Variants in NPSR1 observed in about 807,000 individuals in gnomAD.
The protein encoded by NPSR1 is neuropeptide S receptor.
Under a neutral mutation model 46.9 loss-of-function variants are expected in NPSR1, and 48 were observed. The ratio of observed to expected loss-of-function variants is 1.02; its 90% CI spans 0.81 to 1.30. NPSR1 has a LOEUF of 1.30. Ranked by LOEUF, NPSR1 falls within the 50% of genes most tolerant of loss-of-function variation. The pLI, the probability that NPSR1 is intolerant of heterozygous loss-of-function variation, is 0.00. For synonymous variants in NPSR1, 176 were observed against 168.1 expected (o/e 1.05, Z -0.36); for missense variants, 450 against 449.5 (o/e 1.00, Z -0.01).
intron 8 of NPSR1, among the ~76,000 whole-genome samples, chr7:34,857,945 G>A (rs577714963): frequency 2.0e-5 from 3 of 151,650 alleles, no homozygotes; most frequent in Non-Finnish European, 4.4e-5. Context: ...CTATGAAAAG[G>A]TGTTTAATCT....
In NPSR1 at chr7:34,695,340, T is replaced by A. The variant is rs765509829; in HGVS notation, c.280+10656T>A. Among the ~76,000 whole-genome samples, 6 of 151,778 alleles carry A rather than the reference T, an allele frequency of 4.0e-5. No homozygotes were observed. The South Asian group carries it at 8.3e-4, about 21-fold the overall frequency. On this transcript the variant is annotated intron_variant, in intron 2 of 8. Coordinates refer to ENST00000360581, the MANE Select transcript of NPSR1 (RefSeq NM_207172.2). ...ATAGATCAAAGACTTAAATGTAAGA[T>A]CTGAAACTAAAAATCTTAGGGAAAA...
intron 2 of NPSR1, among the ~76,000 whole-genome samples, chr7:34,743,221 T>C (rs2392277): frequency 0.55 from 83,575 of 151,954 alleles, 23,349 homozygotes; most frequent in African/African-American, 0.63. Context: ...GAAATCTTTG[T>C]CCCTTCCTGT....
chr7:34,758,121 A>G (rs1237624271), intron 2 of NPSR1: 1 of 152,634 alleles, frequency 6.6e-6, no homozygotes, highest in Non-Finnish European at 1.5e-5. Context: ...GGTTGTAAAA[A>G]TATCATCTAC....
intron 3 of NPSR1, among the ~76,000 whole-genome samples, chr7:34,795,952 T>C (rs1305910788): frequency 2.6e-5 from 4 of 152,064 alleles, no homozygotes; most frequent in East Asian, 3.9e-4. Context: ...CAGCATAATA[T>C]TGAAGGTGAA....
intron 3 of NPSR1, among the ~76,000 whole-genome samples, chr7:34,789,676 C>T (rs112598098): frequency 0.066 from 9,532 of 143,762 alleles, 896 homozygotes; most frequent in African/African-American, 0.22. Flanking sequence ...CCCTGTAATC[C>T]CAACTACTCA....
At chr7:34,717,550 A>T (rs796251183) in intron 2 of NPSR1, among the ~76,000 whole-genome samples, 18 of 152,298 alleles carry the variant, frequency 1.2e-4, no homozygotes, top group African/African-American at 4.3e-4. Context: ...TTTGAGAAGC[A>T]ATTGAGAGGG....
chr7:34,669,258 C>A (rs530102583), intron 1 of NPSR1, among the ~76,000 whole-genome samples: 86 of 152,280 alleles, frequency 5.6e-4, no homozygotes, highest in African/African-American at 2.0e-3. Flanking sequence ...ATTTAACTCT[C>A]TGAGAAGTCT....
chr7:34,793,891 AAAAG>A (rs1196781188), intron 3 of NPSR1, among the ~76,000 whole-genome samples: 2 of 152,188 alleles, frequency 1.3e-5, no homozygotes, highest in Non-Finnish European at 2.9e-5. Context: ...TCATTCATAA[AAAAG>A]AAAGAAATTG....
chr7:34,781,775 C>A (rs1787243257), intron 3 of NPSR1, among the ~76,000 whole-genome samples: 2 of 152,200 alleles, frequency 1.3e-5, no homozygotes, highest in African/African-American at 4.8e-5. Flanking sequence ...ACACTCCAGA[C>A]TGATAGTCTG....
chr7:34,693,980 T>C (rs2128691427), intron 2 of NPSR1, among the ~76,000 whole-genome samples: 1 of 152,192 alleles, frequency 6.6e-6, no homozygotes, highest in South Asian at 2.1e-4. Flanking sequence ...CCTCAACAAA[T>C]TAGGCATCTA....
At chr7:34,805,493 A>C (rs1283178379) in intron 3 of NPSR1, among the ~76,000 whole-genome samples, 2 of 151,312 alleles carry the variant, frequency 1.3e-5, no homozygotes, top group Non-Finnish European at 3.0e-5. Flanking sequence ...AAAAAAAAAA[A>C]AAAAAAAACT....
intron 2 of NPSR1, chr7:34,703,972 C>A (rs1249758001): frequency 3.3e-5 from 5 of 152,194 alleles, no homozygotes; most frequent in Non-Finnish European, 7.3e-5. Context: ...AGGGCCAAAT[C>A]TTCTCATATT....
intron 2 of NPSR1, among the ~76,000 whole-genome samples, chr7:34,714,353 ATGAAACT>A (rs1162426975): frequency 1.3e-5 from 2 of 152,222 alleles, no homozygotes; most frequent in Admixed American, 6.5e-5. Flanking sequence ...TGCGAATAAT[ATGAAACT>A]TGGCTCATTG....
At chr7:34,754,678 A>C (rs1282251454) in intron 2 of NPSR1, among the ~76,000 whole-genome samples, 1 of 152,198 alleles carries the variant, frequency 6.6e-6, no homozygotes. Context: ...AAAGTATAAA[A>C]CTGAGTGGCT....
intron 2 of NPSR1, among the ~76,000 whole-genome samples, chr7:34,718,581 T>C (rs986889242): frequency 6.6e-6 from 1 of 152,178 alleles, no homozygotes; most frequent in African/African-American, 2.4e-5. Context: ...CAGGGCCCAA[T>C]AGGAAGGTCA....
At chr7:34,797,600 G>T (rs1431997041) in intron 3 of NPSR1, among the ~76,000 whole-genome samples, 3 of 151,940 alleles carry the variant, frequency 2.0e-5, no homozygotes, top group African/African-American at 7.3e-5. Context: ...GAAAAGAGCA[G>T]AAGAAGTATT....
At chr7:34,876,437 A>G (rs1791575530) in intron 8 of NPSR1, among the ~76,000 whole-genome samples, 1 of 152,224 alleles carries the variant, frequency 6.6e-6, no homozygotes, top group Non-Finnish European at 1.5e-5. Flanking sequence ...AGTTCTTGAC[A>G]CATAAACTGT....
intron 4 of NPSR1, among the ~76,000 whole-genome samples, chr7:34,820,627 G>A (rs866039578): frequency 6.6e-6 from 1 of 152,150 alleles, no homozygotes; most frequent in Middle Eastern, 3.2e-3. Flanking sequence ...TGGTCAGGGT[G>A]CAGCTTGGTT....
intron 2 of NPSR1, among the ~76,000 whole-genome samples, chr7:34,703,678 TTAGAAAGAAAA>T (rs1361814832): frequency 6.6e-6 from 1 of 152,158 alleles, no homozygotes; most frequent in Non-Finnish European, 1.5e-5. Flanking sequence ...AATCTTGAGG[TTAGAAAGAAAA>T]TAGATCTTGA....
Sources: gnomAD v4.1 joint callset for allele counts (sites outside exome capture counted in the v4.1 genomes callset) on GRCh38, gnomAD v4.1.1 for gene constraint, MANE v1.5 for transcripts, NCBI Gene and HGNC (gene_info 2026-07-23, HGNC 2026-07-21) for gene names.